The following XKR6 variants were observed in gnomAD, a reference collection of about 807,000 sequenced individuals.
XKR6 encodes XK related 6, also known as XK-related protein 6.
A neutral mutation model predicts 56.7 loss-of-function variants in XKR6; 22 were observed. That is an observed-to-expected ratio of 0.39 (90% CI 0.28 to 0.55). The LOEUF is 0.55. XKR6 is among the 20% of genes least tolerant of loss of function. The pLI is 0.66. For missense variants in XKR6, 852 were observed against 889.0 expected, an observed-to-expected ratio of 0.96 and a Z score of 0.53; for synonymous variants, 524 against 387.8, an observed-to-expected ratio of 1.35 and a Z score of -4.13.
At chr8:10,937,002 AC>A (rs1157244538) in intron 1 of XKR6, among the ~76,000 whole-genome samples, 1 of 117,494 alleles carries the variant, frequency 8.5e-6, no homozygotes, top group Non-Finnish European at 1.7e-5. Flanking sequence ...GTGTTTTCCA[AC>A]TTGGTTCCAT....
At chr8:11,078,374 A>G (rs1300502048) in intron 1 of XKR6, among the ~76,000 whole-genome samples, 1 of 152,146 alleles carries the variant, frequency 6.6e-6, no homozygotes, top group African/African-American at 2.4e-5. Context: ...GCTTTCAAAT[A>G]TTCATGCTGG....
chr8:11,086,157 T>TTTTTTTTTTA (rs1491345169), intron 1 of XKR6, among the ~76,000 whole-genome samples: 6 of 147,982 alleles, frequency 4.1e-5, no homozygotes, highest in African/African-American at 1.5e-4. Context: ...TATTTTTTTT[T>TTTTTTTTTTA]AAAAAAAACA....
intron 1 of XKR6, among the ~76,000 whole-genome samples, chr8:11,185,477 T>C (rs548089711): frequency 1.3e-5 from 2 of 152,328 alleles, no homozygotes; most frequent in South Asian, 4.1e-4. Context: ...GAAGATTTAC[T>C]GTATGGGGTT....
At chr8:11,020,722 G>C (rs1473882297) in intron 1 of XKR6, among the ~76,000 whole-genome samples, 10 of 152,140 alleles carry the variant, frequency 6.6e-5, no homozygotes, top group African/African-American at 2.4e-5. Flanking sequence ...GAACTCTTAC[G>C]CCTTTTTCCT....
At position 11,200,958 on chromosome 8, in the gene XKR6, C is replaced by G; in HGVS notation, c.382G>C (p.Asp128His). ...AGCGCCAGCACGATCCACAGGCAGT[C>G]GAGCCACGGCCGCTCCACCTGCGGC... ...PPPQVERPWL[D>H]CLWIVLALLV... The change falls in exon 1 of 3, where the codon GAC becomes CAC. Residue 128 changes from aspartate (D) to histidine (H), a missense_variant. Physicochemically the swap from Asp to His is moderately conservative, Grantham distance 81 (BLOSUM62 -1). This residue lies in a region of XKR6 where 417 missense variants were observed against 355.2 expected (regional missense o/e 1.17). Transcript: ENST00000416569. This position sits in a 1 kb window ranked among gnomAD's most constrained non-coding sequence, Gnocchi z 6.4. 6.5e-7 allele frequency: 1 copy of G among 1,541,540 alleles called. No homozygotes were observed. The highest frequency in any genetic ancestry group is 8.7e-7 in the Non-Finnish European group (1 of 1,149,104).
intron 1 of XKR6, among the ~76,000 whole-genome samples, chr8:11,092,594 G>T (rs1387496258): frequency 2.6e-5 from 4 of 152,160 alleles, no homozygotes; most frequent in Non-Finnish European, 5.9e-5. Flanking sequence ...CTGATCTCAC[G>T]TTCGTAGGGA....
At chr8:11,058,958 C>A (rs1261622751) in intron 1 of XKR6, among the ~76,000 whole-genome samples, 1 of 152,256 alleles carries the variant, frequency 6.6e-6, no homozygotes, top group Non-Finnish European at 1.5e-5. Flanking sequence ...TACAACTTCG[C>A]AGCCAGGTGG....
chr8:10,974,230 G>A (rs1291855658), intron 1 of XKR6, among the ~76,000 whole-genome samples: 2 of 152,320 alleles, frequency 1.3e-5, no homozygotes, highest in Non-Finnish European at 2.9e-5. Context: ...TAAGCGAACA[G>A]AGCACTGGGC....
chr8:11,110,981 C>T (rs1798864846), intron 1 of XKR6, among the ~76,000 whole-genome samples: 1 of 150,480 alleles, frequency 6.6e-6, no homozygotes. Flanking sequence ...GGACTACAGG[C>T]GCCTGCCACC....
chr8:11,106,388 T>C (rs540168238), intron 1 of XKR6: 10 of 152,350 alleles, frequency 6.6e-5, no homozygotes, highest in Admixed American at 5.2e-4. Context: ...GAGAGGCCGG[T>C]ATCGGGTCTT....
At chr8:11,120,445 C>A (rs1314229592) in intron 1 of XKR6, among the ~76,000 whole-genome samples, 6 of 152,230 alleles carry the variant, frequency 3.9e-5, no homozygotes, top group East Asian at 1.9e-4. Flanking sequence ...AATTGCTTCA[C>A]AGAGAATAAA....
chr8:10,945,699 G>A (rs1031277515), intron 1 of XKR6, among the ~76,000 whole-genome samples: 1 of 152,288 alleles, frequency 6.6e-6, no homozygotes, highest in East Asian at 1.9e-4. Flanking sequence ...CACATTGGGC[G>A]ACTTCTTAAT....
intron 1 of XKR6, among the ~76,000 whole-genome samples, chr8:11,023,957 G>C (rs550425622): frequency 1.3e-5 from 2 of 152,284 alleles, no homozygotes; most frequent in African/African-American, 4.8e-5. Context: ...TAGGGTGGGG[G>C]AATTGTGGCT....
chr8:11,147,582 G>T (rs545563935), intron 1 of XKR6, among the ~76,000 whole-genome samples: 19 of 151,760 alleles, frequency 1.3e-4, no homozygotes, highest in Non-Finnish European at 2.5e-4. Flanking sequence ...CTTGAACCTG[G>T]GAGGCGGAGG....
At chr8:11,100,606 A>G (rs767243822) in intron 1 of XKR6, among the ~76,000 whole-genome samples, 1 of 152,208 alleles carries the variant, frequency 6.6e-6, no homozygotes, top group Non-Finnish European at 1.5e-5. Context: ...GCTTTCCCCT[A>G]CAACTAAGAC....
intron 1 of XKR6, among the ~76,000 whole-genome samples, chr8:11,141,080 G>A (rs1198950112): frequency 2.6e-5 from 4 of 152,114 alleles, no homozygotes; most frequent in Admixed American, 1.3e-4. Context: ...ATGGTTACAC[G>A]CTAAGTCGAC....
chr8:10,898,741 A>C lies in XKR6; in HGVS notation c.1137T>G (p.Ala379=), dbSNP rs764209317. ...TCCCAAAATAGAGCTGGAAGATGGA[A>C]GCAAAGAGGGCAAAAGAGATCACTC... ...SSRVISFALF[A]SIFQLYFGIF... Residue 379 remains alanine, a synonymous_variant, in exon 3 of 3, where the codon GCT becomes GCG. Transcript: ENST00000416569. The surrounding 1 kb of genome is among the most constrained non-coding windows in gnomAD (Gnocchi z 6.6). 57 of 1,614,008 alleles carry C rather than the reference A, an allele frequency of 3.5e-5. No homozygotes were observed. The highest frequency in any genetic ancestry group is 4.7e-5 in the Non-Finnish European group (55 of 1,180,032).
chr8:10,984,732 C>CTCTCTCTCTCTCTCTCTCTCTATATA, intron 1 of XKR6, among the ~76,000 whole-genome samples: 9 of 47,482 alleles, frequency 1.9e-4, no homozygotes, highest in Non-Finnish European at 3.8e-4. Flanking sequence ...CTCTCTCTCT[C>CTCTCTCTCTCTCTCTCTCTCTATATA]TATATATATA....
At chr8:11,004,845 T>C (rs1193910818) in intron 1 of XKR6, among the ~76,000 whole-genome samples, 1 of 152,178 alleles carries the variant, frequency 6.6e-6, no homozygotes, top group African/African-American at 2.4e-5. Flanking sequence ...TGATGAAACA[T>C]TATTCAGCCT....
Sources: gnomAD v4.1 joint callset for allele counts (sites outside exome capture counted in the v4.1 genomes callset) on GRCh38, gnomAD v4.1.1 for gene constraint, gnomAD v4.1.1 regional missense constraint, Gnocchi (gnomAD v3.1) non-coding constraint, MANE v1.5 for transcripts, NCBI Gene and HGNC (gene_info 2026-07-23, HGNC 2026-07-21) for gene names.